Variants in ANXA13 observed in about 807,000 individuals in gnomAD.
The protein encoded by ANXA13 is annexin XIII.
In ANXA13, 36 loss-of-function variants were observed where a neutral mutation model predicts 46.6. The ratio of observed to expected loss-of-function variants is 0.77; its 90% CI spans 0.59 to 1.02. The LOEUF (loss-of-function observed/expected upper bound fraction) is 1.02. Ranked by LOEUF, ANXA13 falls within the 50% of genes least tolerant of loss-of-function variation. ANXA13 has a pLI of 0.00. For missense variants in ANXA13, 417 were observed against 396.5 expected (o/e 1.05, Z -0.44); for synonymous variants, 163 against 152.9 (o/e 1.07, Z -0.49).
chr8:123,731,862 G>A (rs11995845), intron 1 of ANXA13, among the ~76,000 whole-genome samples: 6,434 of 152,164 alleles, frequency 0.042, 171 homozygotes, highest in African/African-American at 0.061. Flanking sequence ...GCCACAGAGC[G>A]AGATCCTGTC....
intron 1 of ANXA13, chr8:123,729,077 A>T (rs1228083239): frequency 6.6e-6 from 1 of 152,168 alleles, no homozygotes; most frequent in Non-Finnish European, 1.5e-5. Context: ...GATGATAAAG[A>T]TAAGGCCAAC....
rs1425304216 is a variant in ANXA13, at chr8:123,695,695, G to A, written c.384C>T (p.Tyr128=). ...GAATGAAAAGTCACTTACGCCTTTG[G>A]TAGGCCTCTTTAATGGCGATGATTT... The part of the protein sequence containing the change: ...NKEIIAIKEA[Y]QRLFDRSLES... The change falls in exon 5 of 11, where the codon TAC becomes TAT. Residue 128 remains tyrosine, a synonymous_variant. Coordinates refer to ENST00000419625, the MANE Select transcript of ANXA13 (RefSeq NM_004306.4). 5.0e-6 allele frequency: 8 copies of A among 1,613,580 alleles called. No individual in the cohort carries two copies. The highest frequency in any genetic ancestry group is 6.8e-6 in the Non-Finnish European group (8 of 1,179,734).
At chr8:123,691,577 G>A (rs983058943) in intron 8 of ANXA13, among the ~76,000 whole-genome samples, 7 of 152,176 alleles carry the variant, frequency 4.6e-5, no homozygotes, top group Middle Eastern at 3.2e-3. Context: ...ACCCTATGAA[G>A]TAGGTACTAT....
intron 1 of ANXA13, among the ~76,000 whole-genome samples, chr8:123,726,517 C>G (rs768811096): frequency 6.6e-6 from 1 of 152,170 alleles, no homozygotes; most frequent in African/African-American, 2.4e-5. Context: ...GGGGGCTACA[C>G]CCAAACAGAG....
At position 123,737,124 on chromosome 8, in the gene ANXA13, G is replaced by C. The variant is rs555159746; in HGVS notation, c.15+196C>G. 9.7e-4 allele frequency among the ~76,000 whole-genome samples: 148 copies of C among 151,924 alleles called. 1 individual carries two copies. The highest frequency in any genetic ancestry group is 4.8e-3 in the South Asian group (23 of 4,810). On this transcript the variant is annotated intron_variant, in intron 1 of 10. Transcript: ENST00000419625. ...AATCCGCCCACTCTGGCCTTGCAAA[G>C]TGCTGGGAGTACAGGTGTGAGCCAC...
At chr8:123,718,987 T>G (rs1395155518) in intron 1 of ANXA13, among the ~76,000 whole-genome samples, 2 of 152,162 alleles carry the variant, frequency 1.3e-5, no homozygotes, top group African/African-American at 4.8e-5. Flanking sequence ...TTCAAGGAAG[T>G]CTTAACTCTT....
intron 1 of ANXA13, chr8:123,735,950 C>G (rs1814257615): frequency 6.8e-7 from 1 of 1,481,340 alleles, no homozygotes; most frequent in Non-Finnish European, 9.0e-7. Flanking sequence ...GGTTGACTTT[C>G]AAAAGACAAA....
At chr8:123,718,995 C>T (rs1384490250) in intron 1 of ANXA13, among the ~76,000 whole-genome samples, 1 of 152,162 alleles carries the variant, frequency 6.6e-6, no homozygotes, top group African/African-American at 2.4e-5. Context: ...AGTCTTAACT[C>T]TTATAATAGA....
intron 6 of ANXA13, 79 bp downstream of exon 6, chr8:123,695,423 A>T: frequency 9.6e-7 from 1 of 1,043,580 alleles, no homozygotes; most frequent in Non-Finnish European, 1.5e-6. Context: ...TATCTACGTT[A>T]CCCTTTTTCA....
Position 123,698,469 on chromosome 8 carries a change from G to T in ANXA13, c.277C>A (p.Arg93=), listed in dbSNP as rs368961905. ...CCCTTCATAGCCTTCTGCAGCTGCC[G>T]GGCGGCGTACTCGCTGGGACGGTCC... ...LLDRPSEYAA[R]QLQKAMKGLG... The change falls in exon 4 of 11, where the codon CGG becomes AGG. Residue 93 remains arginine, a synonymous_variant. Coordinates refer to ENST00000419625, the MANE Select transcript of ANXA13 (RefSeq NM_004306.4). 3.7e-6 allele frequency: 6 copies of T among 1,614,164 alleles called. No individual in the cohort carries two copies. The Admixed American group carries it at 1.0e-4, about 27-fold the overall frequency.
At chr8:123,726,564 T>A (rs1024363672) in intron 1 of ANXA13, among the ~76,000 whole-genome samples, 6 of 152,232 alleles carry the variant, frequency 3.9e-5, no homozygotes, top group Admixed American at 3.3e-4. Flanking sequence ...GGTTCCAGCC[T>A]GTGTCTTTCC....
chr8:123,735,893 A>T (rs1404484665), intron 1 of ANXA13: 1 of 1,578,712 alleles, frequency 6.3e-7, no homozygotes, highest in Non-Finnish European at 8.6e-7. Context: ...GATTAAAAAA[A>T]AATACATAAA....
intron 1 of ANXA13, among the ~76,000 whole-genome samples, chr8:123,729,549 T>C (rs13281094): frequency 0.29 from 43,790 of 151,892 alleles, 7,374 homozygotes; most frequent in South Asian, 0.47. Flanking sequence ...CAAGAAGGTA[T>C]TTTTTCCCTC....
intron 5 of ANXA13, 22 bp downstream of exon 5, chr8:123,695,666 G>A (rs768703441): frequency 6.2e-7 from 1 of 1,613,180 alleles, no homozygotes; most frequent in Non-Finnish European, 8.5e-7. Context: ...TTTATCCAAA[G>A]CCAGAATGAA....
chr8:123,718,947 C>T (rs1813807993), intron 1 of ANXA13, among the ~76,000 whole-genome samples: 1 of 152,174 alleles, frequency 6.6e-6, no homozygotes, highest in Non-Finnish European at 1.5e-5. Flanking sequence ...AAAACAGACG[C>T]CTGATCAAAT....
At chr8:123,736,825 A>G (rs1174022297) in intron 1 of ANXA13, among the ~76,000 whole-genome samples, 1 of 146,768 alleles carries the variant, frequency 6.8e-6, no homozygotes, top group African/African-American at 2.5e-5. Context: ...TTGGCCAATA[A>G]GGGAATAATA....
intron 1 of ANXA13, among the ~76,000 whole-genome samples, chr8:123,723,965 C>G (rs1813934789): frequency 6.6e-6 from 1 of 152,156 alleles, no homozygotes; most frequent in African/African-American, 2.4e-5. Context: ...AATGCCTTTT[C>G]TTTGCGTCCT....
chr8:123,720,589 A>G (rs988383724), intron 1 of ANXA13, among the ~76,000 whole-genome samples: 1 of 151,736 alleles, frequency 6.6e-6, no homozygotes, highest in Non-Finnish European at 1.5e-5. Flanking sequence ...ATAGGCATAC[A>G]CTCATAATAT....
intron 1 of ANXA13, among the ~76,000 whole-genome samples, chr8:123,718,986 G>C (rs1813808799): frequency 6.6e-6 from 1 of 152,212 alleles, no homozygotes; most frequent in South Asian, 2.1e-4. Context: ...ATTCAAGGAA[G>C]TCTTAACTCT....
Sources: gnomAD v4.1 joint callset for allele counts (sites outside exome capture counted in the v4.1 genomes callset) on GRCh38, gnomAD v4.1.1 for gene constraint, MANE v1.5 for transcripts, NCBI Gene and HGNC (gene_info 2026-07-23, HGNC 2026-07-21) for gene names.